The following DCC variants were observed in gnomAD, a reference collection of about 807,000 sequenced individuals.
DCC encodes the protein netrin receptor DCC.
DCC carries 58 observed loss-of-function variants against 172.5 expected under a neutral mutation model. The observed-to-expected ratio is 0.34, with a 90% CI of 0.27 to 0.42. The LOEUF is 0.42. Among genes scored for constraint, DCC ranks in the 10% least tolerant of loss-of-function variants. The pLI is 1.00. For synonymous variants in DCC, 709 were observed against 644.5 expected, an observed-to-expected ratio of 1.10 and a Z score of -1.52; for missense variants, 1,740 against 1,791.0, an observed-to-expected ratio of 0.97 and a Z score of 0.51.
chr18:52,865,507 T>C (rs376360314), intron 2 of DCC, among the ~76,000 whole-genome samples: 1 of 152,150 alleles, frequency 6.6e-6, no homozygotes, highest in African/African-American at 2.4e-5. Flanking sequence ...ATCAGTTGTT[T>C]CCTGACTTTT....
chr18:52,846,399 G>A (rs1009721029), intron 2 of DCC, among the ~76,000 whole-genome samples: 1 of 152,048 alleles, frequency 6.6e-6, no homozygotes, highest in Non-Finnish European at 1.5e-5. Flanking sequence ...AATTAGCCAG[G>A]CACGGTGGTG....
In DCC at chr18:53,077,024, A is replaced by G. The variant is rs1599103101; in HGVS notation, c.1261+10858A>G. 2.0e-5 allele frequency among the ~76,000 whole-genome samples: 3 copies of G among 152,274 alleles called. No homozygotes were observed. In the South Asian group the frequency reaches 6.2e-4, roughly 32 times the overall value. On this transcript the variant is annotated intron_variant, in intron 7 of 28. Coordinates refer to ENST00000442544, the MANE Select transcript of DCC (RefSeq NM_005215.4). ...CAACAGGCTGAATTGTTCCATCTAC[A>G]TAATTGCTTAGTGACTCTTCCATAA...
intron 1 of DCC, among the ~76,000 whole-genome samples, chr18:52,465,698 A>G (rs185389894): frequency 6.6e-6 from 1 of 152,094 alleles, no homozygotes; most frequent in Non-Finnish European, 1.5e-5. Context: ...TCCATTGTTC[A>G]AGGCATTTCT....
At chr18:52,840,808 C>T (rs1009436539) in intron 2 of DCC, among the ~76,000 whole-genome samples, 3 of 152,172 alleles carry the variant, frequency 2.0e-5, no homozygotes, top group Non-Finnish European at 4.4e-5. Flanking sequence ...CCAACATCTG[C>T]AATGTGCCAA....
At chr18:52,868,033 GTA>G (rs1555675493) in intron 2 of DCC, among the ~76,000 whole-genome samples, 1,344 of 120,424 alleles carry the variant, frequency 0.011, 25 homozygotes, top group African/African-American at 0.034. Context: ...GTGTATGTGT[GTA>G]TATATATATA....
rs113113229 is a variant in DCC, at chr18:53,094,648, G to T, written c.1261+28482G>T. ...TTTAGATTACTTTATATCTTCATAA[G>T]AATGCATGCAGCTAATAGATACAAT... On this transcript the variant is annotated intron_variant, in intron 7 of 28. Coordinates refer to ENST00000442544, the MANE Select transcript of DCC (RefSeq NM_005215.4). Among the ~76,000 whole-genome samples the T allele has an allele frequency of 9.0e-3, 1,369 of 152,270 alleles. 22 individuals are homozygous for T. The highest frequency in any genetic ancestry group is 0.031 in the African/African-American group (1,281 of 41,564).
At chr18:53,222,171 G>A (rs962427358) in intron 12 of DCC, among the ~76,000 whole-genome samples, 6 of 151,982 alleles carry the variant, frequency 3.9e-5, no homozygotes, top group Non-Finnish European at 8.8e-5. Context: ...TAATAAAATA[G>A]TAAATTATTG....
intron 2 of DCC, among the ~76,000 whole-genome samples, chr18:52,824,578 GA>G (rs1216600456): frequency 4.0e-5 from 6 of 151,552 alleles, no homozygotes; most frequent in African/African-American, 9.7e-5. Context: ...TGTACATTGA[GA>G]GGGGAAGGAA....
In DCC at chr18:53,504,949, A is replaced by AAGAT. The variant is rs151116327; in HGVS notation, c.4111+5449_4111+5452dup. ...TTGTTTGTTTTTTTAACTAACTTTGAAGATAGATAGATACAGGATTTTACC... is the reference window on the plus strand; with the variant it reads ...TTGTTTGTTTTTTTAACTAACTTTGAAGATAGATAGATAGATACAGGATTTTACC... On this transcript the variant is annotated intron_variant, in intron 27 of 28. Coordinates refer to ENST00000442544, the MANE Select transcript of DCC (RefSeq NM_005215.4). Among the ~76,000 whole-genome samples, 1,087 of 152,256 alleles carry AAGAT rather than the reference A, an allele frequency of 7.1e-3. 13 individuals carry two copies. The highest frequency in any genetic ancestry group is 0.025 in the African/African-American group (1,044 of 41,556).
At chr18:53,075,624 T>C (rs2042715922) in intron 7 of DCC, among the ~76,000 whole-genome samples, 1 of 152,008 alleles carries the variant, frequency 6.6e-6, no homozygotes, top group Non-Finnish European at 1.5e-5. Flanking sequence ...ATCCAAATGA[T>C]TTTGACTTTG....
At chr18:53,112,525 G>A (rs35157608) in intron 7 of DCC, among the ~76,000 whole-genome samples, 3,206 of 151,582 alleles carry the variant, frequency 0.021, 55 homozygotes, top group Middle Eastern at 0.058. Context: ...TGCATTGAGT[G>A]TGGGTGACTT....
chr18:53,295,120 T>C (rs2057050999), intron 12 of DCC, among the ~76,000 whole-genome samples: 1 of 152,164 alleles, frequency 6.6e-6, no homozygotes, highest in South Asian at 2.1e-4. Flanking sequence ...CTTCAAACTT[T>C]GCATAGTAAT....
chr18:53,199,752 A>G (rs1005649957), intron 9 of DCC, among the ~76,000 whole-genome samples: 1 of 152,136 alleles, frequency 6.6e-6, no homozygotes, highest in African/African-American at 2.4e-5. Context: ...GGAATGCAGT[A>G]AACACATATC....
rs2039066742 is a variant in DCC at position 52,857,020 on chromosome 18, C to T, written c.413-49024C>T. On this transcript the variant is annotated intron_variant, in intron 2 of 28. Coordinates refer to ENST00000442544, the MANE Select transcript of DCC (RefSeq NM_005215.4). ...TAAATTCTATATGTATAAGCAGATC[C>T]ACATTCTCTTCTTTTAGCTTTTCTG... Among the ~76,000 whole-genome samples the T allele has an allele frequency of 2.0e-5, 3 of 152,158 alleles. No individual in the cohort carries two copies. The South Asian group carries it at 6.2e-4, about 31-fold the overall frequency.
At chr18:53,125,835 T>C (rs748950048) in intron 7 of DCC, among the ~76,000 whole-genome samples, 2 of 152,138 alleles carry the variant, frequency 1.3e-5, no homozygotes, top group South Asian at 2.1e-4. Flanking sequence ...GCACATCATA[T>C]ACAAGAGATA....
At chr18:52,893,371 T>C (rs1425479535) in intron 2 of DCC, among the ~76,000 whole-genome samples, 2 of 152,160 alleles carry the variant, frequency 1.3e-5, no homozygotes, top group African/African-American at 4.8e-5. Flanking sequence ...GTGCCTGGTA[T>C]GTATTCAATG....
intron 24 of DCC, 71 bp from the exon 25 acceptor site, chr18:53,467,823 G>A: frequency 1.2e-6 from 1 of 820,352 alleles, no homozygotes; most frequent in South Asian, 1.3e-5. Flanking sequence ...GCATTGGAAT[G>A]CCTGCTAGAA....
chr18:52,906,384 A>T, intron 3 of DCC, 56 bp downstream of exon 3: 1 of 1,579,640 alleles, frequency 6.3e-7, no homozygotes, highest in South Asian at 1.1e-5. Context: ...TAAGTTGAAA[A>T]ACAATTTTTT....
intron 5 of DCC, among the ~76,000 whole-genome samples, chr18:53,030,938 T>C (rs967752654): frequency 1.4e-4 from 21 of 152,274 alleles, no homozygotes; most frequent in African/African-American, 4.1e-4. Context: ...CCACATTACC[T>C]ATATATTAGA....
Sources: gnomAD v4.1 joint callset for allele counts (sites outside exome capture counted in the v4.1 genomes callset) on GRCh38, gnomAD v4.1.1 for gene constraint, MANE v1.5 for transcripts, NCBI Gene and HGNC (gene_info 2026-07-23, HGNC 2026-07-21) for gene names.